Variants in SEL1L2 observed in about 807,000 individuals in gnomAD.
SEL1L2 encodes protein sel-1 homolog 2.
Under a neutral mutation model 98.8 loss-of-function variants are expected in SEL1L2, and 89 were observed. That is an observed-to-expected ratio of 0.90 (90% confidence interval 0.76 to 1.07). The LOEUF (loss-of-function observed/expected upper bound fraction) is 1.07, where lower values mean the gene tolerates loss of function less well. Among genes scored for constraint, SEL1L2 ranks in the 50% least tolerant of loss-of-function variants. The pLI, the probability that SEL1L2 is intolerant of heterozygous loss-of-function variation, is 0.00. For missense variants in SEL1L2, 788 were observed against 812.0 expected (o/e 0.97, Z 0.36); for synonymous variants, 262 against 278.5 (o/e 0.94, Z 0.59).
chr20:13,860,217 C>G (rs551008625), intron 17 of SEL1L2, among the ~76,000 whole-genome samples: 6 of 152,278 alleles, frequency 3.9e-5, no homozygotes, highest in African/African-American at 1.4e-4. Context: ...AATAAACCCT[C>G]TCTTTATCCT....
At chr20:13,995,150 T>C (rs1261544244), upstream of SEL1L2, 2 of 157,352 alleles carry the variant, frequency 1.3e-5, no homozygotes, top group Non-Finnish European at 2.8e-5. The surrounding 1 kb of genome is among the most constrained non-coding windows in gnomAD (Gnocchi z 4.3). Flanking sequence ...GCCTGTCACT[T>C]GGCGCACCTG....
At chr20:13,860,847 A>G (rs911161003) in intron 17 of SEL1L2, among the ~76,000 whole-genome samples, 1 of 152,030 alleles carries the variant, frequency 6.6e-6, no homozygotes, top group African/African-American at 2.4e-5. Context: ...CTCCACTTGG[A>G]TTTCAAACTT....
At chr20:13,925,009 C>T (rs1225289947) in intron 3 of SEL1L2, among the ~76,000 whole-genome samples, 12 of 151,970 alleles carry the variant, frequency 7.9e-5, no homozygotes, top group East Asian at 1.9e-4. Context: ...CATAGTGGTG[C>T]GCACCTGTAA....
At chr20:13,949,642 A>G (rs909667232) in intron 2 of SEL1L2, among the ~76,000 whole-genome samples, 13 of 151,858 alleles carry the variant, frequency 8.6e-5, no homozygotes, top group Admixed American at 3.3e-4. Flanking sequence ...CAGCCTGGGC[A>G]ACAGAGTGAG....
intron 5 of SEL1L2, among the ~76,000 whole-genome samples, chr20:13,907,696 CTTTCTCTTTCTTTCTTTCTTTCTT>C (rs1568944307): frequency 7.2e-6 from 1 of 138,696 alleles, no homozygotes; most frequent in Non-Finnish European, 1.6e-5. Context: ...TTCTTTCTTT[CTTTCTCTTTCTTTCTTTCTTTCTT>C]TCTTTCTTTC....
chr20:13,914,931 C>T (rs184752771), intron 4 of SEL1L2, among the ~76,000 whole-genome samples: 1 of 152,266 alleles, frequency 6.6e-6, no homozygotes, highest in Non-Finnish European at 1.5e-5. Flanking sequence ...GATGGAGAGT[C>T]TTGCAAGGTC....
intron 17 of SEL1L2, among the ~76,000 whole-genome samples, chr20:13,860,143 G>A (rs149952436): frequency 1.7e-3 from 254 of 152,156 alleles, no homozygotes; most frequent in Non-Finnish European, 3.0e-3. Context: ...CAACAGTGTC[G>A]CCCTCTTTCC....
chr20:13,884,778 A>G (rs1354091090), intron 10 of SEL1L2, among the ~76,000 whole-genome samples: 1 of 152,156 alleles, frequency 6.6e-6, no homozygotes, highest in Admixed American at 6.5e-5. Context: ...AAGTGCTGAG[A>G]TTACAGGCAT....
intron 1 of SEL1L2, among the ~76,000 whole-genome samples, chr20:13,984,726 T>C (rs918106650): frequency 6.6e-6 from 1 of 152,056 alleles, no homozygotes; most frequent in Admixed American, 6.6e-5. Context: ...TTTCCTTTTT[T>C]CTTTCTTTTT....
chr20:13,906,816 T>G (rs2047952278), intron 5 of SEL1L2, among the ~76,000 whole-genome samples: 1 of 152,112 alleles, frequency 6.6e-6, no homozygotes, highest in Non-Finnish European at 1.5e-5. Context: ...GTAGCTGGGA[T>G]TACAGGCGCG....
chr20:13,986,837 CT>C (rs1020203241), intron 1 of SEL1L2, among the ~76,000 whole-genome samples: 2 of 152,132 alleles, frequency 1.3e-5, no homozygotes, highest in African/African-American at 4.8e-5. Context: ...TTCTCCATTA[CT>C]TTTTATTTTT....
chr20:13,910,948 GAACC>G (rs1191557369), intron 5 of SEL1L2, among the ~76,000 whole-genome samples: 2 of 152,210 alleles, frequency 1.3e-5, no homozygotes, highest in Non-Finnish European at 2.9e-5. Flanking sequence ...TGTGTTTTAG[GAACC>G]ATTCATGTAA....
chr20:13,878,307 C>CT (rs5840586), intron 10 of SEL1L2, among the ~76,000 whole-genome samples: 138,725 of 145,294 alleles, frequency 0.95, 66,321 homozygotes, highest in East Asian at 1. Context: ...TGAAACCGCT[C>CT]TTTTTTTTTT....
At chr20:13,983,041 A>AAAAAAAAAAAAAAAAAAAAAAAAC (rs2051931039) in intron 1 of SEL1L2, among the ~76,000 whole-genome samples, 1 of 143,056 alleles carries the variant, frequency 7.0e-6, no homozygotes. Flanking sequence ...AAAAAAAAAA[A>AAAAAAAAAAAAAAAAAAAAAAAAC]AAAAAAAGCA....
Position 13,964,127 on chromosome 20 carries a change from G to A in SEL1L2, c.59-7996C>T, listed in dbSNP as rs1212651785. 2.6e-5 allele frequency among the ~76,000 whole-genome samples: 4 copies of A among 152,030 alleles called. No individual in the cohort carries two copies. The East Asian group carries it at 5.8e-4, about 22-fold the overall frequency. Reference sequence around the variant, plus strand: ...CTGACCTCATGATCCACCCGCCTCGGCCTCCCAAAGTGTTGGGGTTACAGG... The same window carrying A: ...CTGACCTCATGATCCACCCGCCTCGACCTCCCAAAGTGTTGGGGTTACAGG... On this transcript the variant is annotated intron_variant, in intron 1 of 19. Coordinates refer to ENST00000284951, the MANE Select transcript of SEL1L2 (RefSeq NM_025229.2).
chr20:13,879,250 C>T (rs761713964), intron 10 of SEL1L2, among the ~76,000 whole-genome samples: 1 of 152,046 alleles, frequency 6.6e-6, no homozygotes, highest in Non-Finnish European at 1.5e-5. Flanking sequence ...ATTACTTCGG[C>T]GTGGCTGAAA....
intron 18 of SEL1L2, among the ~76,000 whole-genome samples, chr20:13,858,887 G>A (rs1989588572): frequency 6.6e-6 from 1 of 152,112 alleles, no homozygotes; most frequent in South Asian, 2.1e-4. Flanking sequence ...CTTTCTCCTT[G>A]TTCCTGAGAG....
intron 17 of SEL1L2, among the ~76,000 whole-genome samples, chr20:13,861,523 T>C (rs1023369492): frequency 6.6e-6 from 1 of 152,112 alleles, no homozygotes; most frequent in African/African-American, 2.4e-5. Flanking sequence ...ACAATTCACA[T>C]ACCATCCAAT....
intron 4 of SEL1L2, among the ~76,000 whole-genome samples, chr20:13,916,892 G>C (rs1034276017): frequency 5.3e-5 from 8 of 152,132 alleles, no homozygotes; most frequent in African/African-American, 1.7e-4. Context: ...GCATGAAACT[G>C]AATGACACCC....
Sources: allele counts gnomAD v4.1 joint callset (sites outside exome capture counted in the v4.1 genomes callset), GRCh38; gene constraint gnomAD v4.1.1; non-coding constraint Gnocchi (gnomAD v3.1); transcripts MANE v1.5; gene names NCBI Gene and HGNC (gene_info 2026-07-23, HGNC 2026-07-21).